The following SETD2 variants were observed in gnomAD, a reference collection of about 807,000 sequenced individuals.
The protein encoded by SETD2 is SET domain containing 2, histone lysine methyltransferase.
SETD2 carries 31 observed loss-of-function variants against 242.1 expected under a neutral mutation model. The ratio of observed to expected loss-of-function variants is 0.13; its 90% CI spans 0.10 to 0.17. The LOEUF (loss-of-function observed/expected upper bound fraction) is 0.17, where lower values mean the gene tolerates loss of function less well. Ranked by LOEUF, SETD2 falls within the 10% of genes least tolerant of loss-of-function variation. The pLI is 1.00. For synonymous variants in SETD2, 1,006 were observed against 1,066.5 expected (o/e 0.94, Z 1.11); for missense variants, 2,481 against 3,046.3 (o/e 0.81, Z 4.37).
chr3:47,144,655 A>G (rs1231087216), intron 1 of SETD2, among the ~76,000 whole-genome samples: 2 of 148,660 alleles, frequency 1.3e-5, no homozygotes, highest in Non-Finnish European at 3.0e-5. Context: ...ATATAAAAAT[A>G]AAAAATAAGT....
rs1385573862 is a variant in SETD2, at chr3:47,016,954, T to A, written c.*139A>T. 15 of 794,194 alleles carry A rather than the reference T, an allele frequency of 1.9e-5. No homozygotes were observed. In the South Asian group the frequency reaches 2.7e-4, roughly 14 times the overall value. The allele number at this position is 794,194 out of a possible 1,614,324, so 49.2% of individuals were successfully genotyped here. ...TCATTTTTGTGGCCTTCAGTTGACA[T>A]CTGCAGGGTTGAATTCCCCAGGGTG... On this transcript the variant is annotated 3_prime_UTR_variant, in exon 21 of 21. Transcript: ENST00000409792.
chr3:47,087,907 A>G (rs2041632164), intron 10 of SETD2, among the ~76,000 whole-genome samples: 2 of 152,120 alleles, frequency 1.3e-5, no homozygotes, highest in Non-Finnish European at 2.9e-5. Flanking sequence ...CAGAAGTTAC[A>G]GTGAACCGAG....
chr3:47,027,537 T>A (rs1354561048), intron 18 of SETD2, among the ~76,000 whole-genome samples: 1 of 151,794 alleles, frequency 6.6e-6, no homozygotes, highest in Admixed American at 6.6e-5. Flanking sequence ...ATTGTGCACA[T>A]GTACCCTAAA....
At chr3:47,044,210 G>C (rs1050698206) in intron 16 of SETD2, among the ~76,000 whole-genome samples, 45 of 151,312 alleles carry the variant, frequency 3.0e-4, no homozygotes, top group African/African-American at 1.0e-3. Flanking sequence ...AGGTGTGGTG[G>C]TGTGCACTTG....
rs768946699 is a variant in SETD2, at chr3:47,122,795, G to A, written c.1841C>T (p.Ser614Phe). The A allele has an allele frequency of 1.9e-6, 3 of 1,613,042 alleles. No individual in the cohort carries two copies. In the South Asian group the frequency reaches 3.3e-5, roughly 18 times the overall value. Reference protein sequence around the residue: ...NKNPEREKAGSPAPSNRLNDS... With the variant: ...NKNPEREKAGFPAPSNRLNDS... The stretch of plus-strand genomic sequence containing the variant: ...ATTTAATCGATTTGATGGAGCTGGA[G>A]ACCCAGCCTTTTCTCTTTCAGGATT... The change falls in exon 3 of 21, where the codon TCT (serine) becomes TTT (phenylalanine). Residue 614 changes from serine (S) to phenylalanine (F), a missense_variant. Ser to Phe is a radical substitution (Grantham distance 155). Coordinates refer to ENST00000409792, the MANE Select transcript of SETD2 (RefSeq NM_014159.7).
chr3:47,106,295 T>C (rs2042415788), intron 5 of SETD2, among the ~76,000 whole-genome samples, 175 bp from the exon 6 acceptor site: 1 of 152,008 alleles, frequency 6.6e-6, no homozygotes, highest in African/African-American at 2.4e-5. Context: ...CAAGGTTACT[T>C]TTCTCCTTCA....
chr3:47,155,994 T>A (rs2044118621), intron 1 of SETD2, among the ~76,000 whole-genome samples: 2 of 152,098 alleles, frequency 1.3e-5, no homozygotes, highest in African/African-American at 4.8e-5. Flanking sequence ...CTTGGAAGAA[T>A]TAACAGAAAT....
chr3:47,032,782 G>A (rs1204314151), intron 18 of SETD2, among the ~76,000 whole-genome samples: 3 of 151,866 alleles, frequency 2.0e-5, no homozygotes, highest in African/African-American at 7.3e-5. Flanking sequence ...CGTGGTGGCA[G>A]GTGCCTGTAA....
chr3:47,133,176 G>T (rs1437999874), intron 1 of SETD2, among the ~76,000 whole-genome samples: 1 of 151,984 alleles, frequency 6.6e-6, no homozygotes, highest in African/African-American at 2.4e-5. Context: ...TCGGGAATCT[G>T]GGTGAAGGGT....
At position 47,058,046 on chromosome 3, in the gene SETD2, C is replaced by A. The variant is rs529130873; in HGVS notation, c.6294-556G>T. ...CAAAGAGAGCCTCTTAAAAGCAGAC[C>A]AAGAGAAAAGCCCGATTAAAGAAGG... is the stretch of plus-strand genomic sequence containing the variant. On this transcript the variant is annotated intron_variant, in intron 14 of 20. Coordinates refer to ENST00000409792, the MANE Select transcript of SETD2 (RefSeq NM_014159.7). Among the ~76,000 whole-genome samples, 9 of 152,034 alleles carry A rather than the reference C, an allele frequency of 5.9e-5. No homozygotes were observed. In the East Asian group the frequency reaches 1.7e-3, roughly 29 times the overall value.
At chr3:47,029,807 T>C (rs1020396160) in intron 18 of SETD2, among the ~76,000 whole-genome samples, 2 of 152,208 alleles carry the variant, frequency 1.3e-5, no homozygotes, top group Admixed American at 6.5e-5. Flanking sequence ...GTTAAACATA[T>C]TCCTAAAAAT....
intron 12 of SETD2, chr3:47,080,905 C>T: frequency 1.0e-6 from 1 of 986,958 alleles, no homozygotes; most frequent in Non-Finnish European, 1.2e-6. Context: ...CCACCTCTGT[C>T]CTCTTTTCAC....
At position 47,019,795 on chromosome 3, in the gene SETD2, G is replaced by A; in HGVS notation, c.7396C>T (p.Leu2466=). 6.2e-7 allele frequency: 1 copy of A among 1,614,004 alleles called. No homozygotes were observed. The highest frequency in any genetic ancestry group is 1.7e-5 in the Admixed American group (1 of 60,020). ...KTAEADTSSE[L]AKKSKEVFRK... is the part of the protein sequence containing the mutation. ...AATACTTCTTTGCTTTTCTTTGCTA[G>A]TTCACTGGAGGTGTCTGCTTCTGCT... The change falls in exon 19 of 21, where the codon CTA becomes TTA. Residue 2466 remains leucine, a synonymous_variant. Coordinates refer to ENST00000409792, the MANE Select transcript of SETD2 (RefSeq NM_014159.7).
At chr3:47,158,263 T>C (rs1403791560) in intron 1 of SETD2, among the ~76,000 whole-genome samples, 1 of 152,228 alleles carries the variant, frequency 6.6e-6, no homozygotes, top group Non-Finnish European at 1.5e-5. Context: ...TGGATTTTGA[T>C]ATAATGATAA....
At chr3:47,150,780 G>A (rs1040107114) in intron 1 of SETD2, among the ~76,000 whole-genome samples, 2 of 151,896 alleles carry the variant, frequency 1.3e-5, no homozygotes, top group Admixed American at 6.6e-5. Flanking sequence ...CCAGGAGTTC[G>A]AGACCCTGTC....
chr3:47,156,948 C>T (rs2044139538), intron 1 of SETD2, among the ~76,000 whole-genome samples: 1 of 151,430 alleles, frequency 6.6e-6, no homozygotes, highest in Non-Finnish European at 1.5e-5. Context: ...GGCAACACAC[C>T]AAAACCCTGT....
intron 13 of SETD2, among the ~76,000 whole-genome samples, chr3:47,064,170 G>A (rs2040457276): frequency 1.3e-5 from 2 of 152,096 alleles, no homozygotes; most frequent in Non-Finnish European, 1.5e-5. Context: ...TCATAAAAAT[G>A]TTCTATGGGT....
intron 1 of SETD2, among the ~76,000 whole-genome samples, chr3:47,143,092 A>G (rs2043771011): frequency 6.6e-6 from 1 of 152,166 alleles, no homozygotes; most frequent in Non-Finnish European, 1.5e-5. Context: ...AAGGAGCTCA[A>G]GACTAGTCTG....
chr3:47,117,480 G>A (rs1219637123), intron 3 of SETD2, among the ~76,000 whole-genome samples: 1 of 152,118 alleles, frequency 6.6e-6, no homozygotes, highest in Non-Finnish European at 1.5e-5. Context: ...ATTTCAAATA[G>A]TGACATAGCT....
Sources: gnomAD v4.1 joint callset for allele counts (sites outside exome capture counted in the v4.1 genomes callset) on GRCh38, gnomAD v4.1.1 for gene constraint, MANE v1.5 for transcripts, NCBI Gene and HGNC (gene_info 2026-07-23, HGNC 2026-07-21) for gene names.